SHISA9: variants seen among roughly 807,000 people sequenced by gnomAD.
The protein encoded by SHISA9 is protein shisa-9.
SHISA9 carries 13 observed loss-of-function variants against 38.0 expected under a neutral mutation model. That is an observed-to-expected ratio of 0.34 (90% CI 0.22 to 0.54). The LOEUF is 0.54. SHISA9 is among the 20% of genes least tolerant of loss of function. SHISA9 has a pLI of 0.91. For synonymous variants in SHISA9, 275 were observed against 242.0 expected, an observed-to-expected ratio of 1.14 and a Z score of -1.27; for missense variants, 538 against 575.8, an observed-to-expected ratio of 0.93 and a Z score of 0.67.
intron 2 of SHISA9, among the ~76,000 whole-genome samples, chr16:13,126,838 A>G (rs2050262244): frequency 7.5e-6 from 1 of 133,192 alleles, no homozygotes; most frequent in African/African-American, 2.9e-5. Flanking sequence ...AGAAAGAGAG[A>G]GAGACTGAGG....
intron 2 of SHISA9, among the ~76,000 whole-genome samples, chr16:13,009,936 G>C (rs1221487964): frequency 6.6e-6 from 1 of 152,128 alleles, no homozygotes; most frequent in Admixed American, 6.6e-5. Context: ...CAGCACTTTG[G>C]GAGGCTGAGG....
At chr16:13,437,391 G>A in the SHISA9 span, among the ~76,000 whole-genome samples, 5 of 152,132 alleles carry the variant, frequency 3.3e-5, no homozygotes, top group Non-Finnish European at 7.3e-5. Context: ...TGAAATCTAA[G>A]CACTTTAAAC....
chr16:13,082,431 C>T (rs2073661372), intron 2 of SHISA9: 1 of 152,136 alleles, frequency 6.6e-6, no homozygotes, highest in African/African-American at 2.4e-5. Flanking sequence ...ATGCTCTTTT[C>T]TTCTGGTCTG....
chr16:13,407,070 C>CAA, the SHISA9 span, among the ~76,000 whole-genome samples: 306 of 45,630 alleles, frequency 6.7e-3, 26 homozygotes, highest in African/African-American at 0.022. Context: ...CTCTGTCTCA[C>CAA]AAAAAAAAAA....
At chr16:13,122,754 A>G (rs570630893) in intron 2 of SHISA9, among the ~76,000 whole-genome samples, 1 of 152,342 alleles carries the variant, frequency 6.6e-6, no homozygotes, top group South Asian at 2.1e-4. Flanking sequence ...AGATTTAAAA[A>G]TATTAAAAAG....
the SHISA9 span, among the ~76,000 whole-genome samples, chr16:13,533,836 T>C: frequency 6.7e-6 from 1 of 148,152 alleles, no homozygotes; most frequent in Non-Finnish European, 1.5e-5. Flanking sequence ...TAGGCTGGAG[T>C]GCAGTGGCGC....
intron 2 of SHISA9, among the ~76,000 whole-genome samples, chr16:13,163,805 A>G (rs1434215782): frequency 6.6e-6 from 1 of 152,122 alleles, no homozygotes; most frequent in Non-Finnish European, 1.5e-5. Context: ...TTATGCAAAT[A>G]CAACGGAGTT....
rs537711553 is a variant in SHISA9, at chr16:13,235,131, C to T, written c.997C>T (p.Pro333Ser). ...GCACCCCGTAAGAGTGGAGGACGAGCCCCGGGCCTTCAGCCCTGAGCACGG... is the reference window on the plus strand; with the variant it reads ...GCACCCCGTAAGAGTGGAGGACGAGTCCCGGGCCTTCAGCCCTGAGCACGG... ...PLHPVRVEDE[P>S]RAFSPEHGPA... The change falls in exon 5 of 5, where the codon CCC becomes TCC. Residue 333 changes from proline to serine, a missense_variant. Pro to Ser is a moderately conservative substitution (Grantham distance 74). Around this residue, in one of 4 missense-constraint regions of SHISA9, gnomAD observed 326 missense variants for 305.9 expected, o/e 1.07. Transcript: ENST00000558583. 1.3e-6 allele frequency: 2 copies of T among 1,551,716 alleles called. No homozygotes were observed. Among genetic ancestry groups the T allele is most frequent in the Admixed American group, 2.0e-5 (1 of 51,004 alleles).
chr16:13,198,018 C>T (rs1464044467), intron 2 of SHISA9, among the ~76,000 whole-genome samples: 1 of 152,126 alleles, frequency 6.6e-6, no homozygotes, highest in East Asian at 1.9e-4. Flanking sequence ...AGCCCCTTCT[C>T]TACTAAAAAC....
Position 13,186,139 on chromosome 16 carries a change from C to T in SHISA9, c.692-17255C>T, listed in dbSNP as rs553280305. ...CACAGCCTCCCTTTGCCTCTGTTTT[C>T]TTATCTTCAAAATGAATACAATAAT... On this transcript the variant is annotated intron_variant, in intron 2 of 4. Transcript: ENST00000558583. 2.6e-5 allele frequency among the ~76,000 whole-genome samples: 4 copies of T among 151,910 alleles called. No homozygotes were observed. In the South Asian group the frequency reaches 8.3e-4, roughly 32 times the overall value.
chr16:13,369,985 C>T, the SHISA9 span, among the ~76,000 whole-genome samples: 1 of 152,010 alleles, frequency 6.6e-6, no homozygotes, highest in Admixed American at 6.6e-5. Flanking sequence ...TATAAATATA[C>T]CACATTTTCT....
At chr16:13,336,492 A>C in the SHISA9 span, among the ~76,000 whole-genome samples, 1 of 152,236 alleles carries the variant, frequency 6.6e-6, no homozygotes, top group Non-Finnish European at 1.5e-5. Flanking sequence ...CTGATCCCAG[A>C]AAGGAATTTC....
At chr16:13,530,357 G>C in the SHISA9 span, among the ~76,000 whole-genome samples, 30 of 152,198 alleles carry the variant, frequency 2.0e-4, no homozygotes, top group African/African-American at 7.2e-4. Context: ...TGTCCTTAGG[G>C]AGATTACTTG....
At chr16:13,344,548 G>T in the SHISA9 span, among the ~76,000 whole-genome samples, 1 of 151,984 alleles carries the variant, frequency 6.6e-6, no homozygotes, top group Non-Finnish European at 1.5e-5. Flanking sequence ...TTTTCCCATA[G>T]TGCATCTGCC....
chr16:13,072,806 G>A (rs988737329), intron 2 of SHISA9, among the ~76,000 whole-genome samples: 5 of 152,020 alleles, frequency 3.3e-5, no homozygotes, highest in East Asian at 1.9e-4. Flanking sequence ...GATTACAGGC[G>A]CCTGCCACCA....
the SHISA9 span, among the ~76,000 whole-genome samples, chr16:13,372,636 A>G: frequency 6.6e-6 from 1 of 152,230 alleles, no homozygotes; most frequent in Non-Finnish European, 1.5e-5. Context: ...TATTCATTTC[A>G]GTTCTCAGTA....
the SHISA9 span, among the ~76,000 whole-genome samples, chr16:13,517,402 A>G: frequency 6.6e-6 from 1 of 152,224 alleles, no homozygotes; most frequent in South Asian, 2.1e-4. Flanking sequence ...TAGGAAACGA[A>G]TATGGTTAGG....
chr16:13,367,701 C>CGT, the SHISA9 span, among the ~76,000 whole-genome samples: 241 of 66,080 alleles, frequency 3.6e-3, 5 homozygotes, highest in African/African-American at 0.011. Flanking sequence ...TGTGCGTGCG[C>CGT]GCGCGCGCGC....
the SHISA9 span, among the ~76,000 whole-genome samples, chr16:13,324,174 C>A: frequency 5.9e-5 from 9 of 152,186 alleles, no homozygotes; most frequent in Non-Finnish European, 1.2e-4. Context: ...GTACAGTCTG[C>A]AGAACTGTAA....
Sources: gnomAD v4.1 joint callset for allele counts (sites outside exome capture counted in the v4.1 genomes callset) on GRCh38, gnomAD v4.1.1 for gene constraint, gnomAD v4.1.1 regional missense constraint, MANE v1.5 for transcripts, NCBI Gene and HGNC (gene_info 2026-07-23, HGNC 2026-07-21) for gene names.